MAP7: variants seen among roughly 807,000 people sequenced by gnomAD.
MAP7 encodes the protein microtubule associated protein 7.
MAP7 carries 52 observed loss-of-function variants against 94.8 expected under a neutral mutation model. That is an observed-to-expected ratio of 0.55 (90% CI 0.44 to 0.69). The LOEUF (loss-of-function observed/expected upper bound fraction) is 0.69. Among genes scored for constraint, MAP7 ranks in the 30% least tolerant of loss-of-function variants. The pLI is 0.00. For synonymous variants in MAP7, 350 were observed against 357.0 expected (o/e 0.98, Z 0.22); for missense variants, 940 against 964.6 (o/e 0.97, Z 0.34).
intron 1 of MAP7, among the ~76,000 whole-genome samples, chr6:136,517,853 C>G (rs1341309028): frequency 6.6e-6 from 1 of 152,132 alleles, no homozygotes; most frequent in Non-Finnish European, 1.5e-5. Context: ...AGGGCTGGTT[C>G]TGAATTTCTA....
intron 1 of MAP7, among the ~76,000 whole-genome samples, chr6:136,446,821 G>A (rs1415594700): frequency 1.3e-5 from 2 of 152,144 alleles, no homozygotes; most frequent in Non-Finnish European, 1.5e-5. Flanking sequence ...ACCCATATTC[G>A]AAAAAGTCAG....
chr6:136,429,613 T>C (rs927911738), intron 1 of MAP7, among the ~76,000 whole-genome samples: 1 of 152,230 alleles, frequency 6.6e-6, no homozygotes, highest in African/African-American at 2.4e-5. Flanking sequence ...ATGTTCCATA[T>C]ATCTTGTGGG....
intron 3 of MAP7, among the ~76,000 whole-genome samples, chr6:136,392,388 CTTTTTTT>C (rs11347286): frequency 9.7e-6 from 1 of 102,616 alleles, no homozygotes; most frequent in Non-Finnish European, 2.0e-5. Flanking sequence ...CTGCATCTTG[CTTTTTTT>C]TTTTTTTTTT....
chr6:136,483,174 C>T (rs1272405302), intron 1 of MAP7, among the ~76,000 whole-genome samples: 1 of 149,622 alleles, frequency 6.7e-6, no homozygotes, highest in Admixed American at 6.7e-5. Flanking sequence ...ACATATACAC[C>T]ATGGAATACT....
chr6:136,492,046 C>T (rs924723905), intron 1 of MAP7, among the ~76,000 whole-genome samples: 4 of 152,020 alleles, frequency 2.6e-5, no homozygotes, highest in African/African-American at 9.7e-5. Context: ...GTGATTAGGA[C>T]ATGTAAACAA....
intron 3 of MAP7, among the ~76,000 whole-genome samples, chr6:136,392,420 G>A (rs1374598259): frequency 8.7e-6 from 1 of 114,536 alleles, no homozygotes; most frequent in Non-Finnish European, 1.7e-5. Flanking sequence ...TACTTAAAAT[G>A]TATCTTAGAG....
At chr6:136,522,424 G>A (rs1389568277) in intron 1 of MAP7, among the ~76,000 whole-genome samples, 1 of 152,080 alleles carries the variant, frequency 6.6e-6, no homozygotes, top group Admixed American at 6.6e-5. Flanking sequence ...TAGAAGGCCA[G>A]ATGTTAATCT....
intron 3 of MAP7, among the ~76,000 whole-genome samples, chr6:136,407,981 A>C (rs1367607613): frequency 6.6e-6 from 1 of 152,236 alleles, no homozygotes; most frequent in East Asian, 1.9e-4. Flanking sequence ...TTAGTTGTAC[A>C]GAAGTAGAGT....
intron 1 of MAP7, among the ~76,000 whole-genome samples, chr6:136,488,444 CTTT>C (rs1262255093): frequency 0.12 from 16,077 of 133,026 alleles, 819 homozygotes; most frequent in East Asian, 0.15. Context: ...ATGCTAGGTA[CTTT>C]TTTTTTTTTT....
chr6:136,517,487 T>C (rs1028879082), intron 1 of MAP7, among the ~76,000 whole-genome samples: 1 of 152,222 alleles, frequency 6.6e-6, no homozygotes, highest in African/African-American at 2.4e-5. Context: ...ATTACCAATA[T>C]TATAATTGTC....
In MAP7 at chr6:136,372,631, C is replaced by T. The variant is rs749626540; in HGVS notation, c.752-6G>A. 20 of 1,613,906 alleles carry T rather than the reference C, an allele frequency of 1.2e-5. No individual in the cohort carries two copies. Among genetic ancestry groups the T allele is most frequent in the African/African-American group, 8.0e-5 (6 of 74,890 alleles). On this transcript the variant is annotated splice_polypyrimidine_tract_variant and splice_region_variant and intron_variant, in intron 7 of 17. Transcript: ENST00000354570. ...GATGATGGGGCTGCAAGATGCTGAA[C>T]GAGGACAAATGGGGATAACTAGGGT...
intron 1 of MAP7, among the ~76,000 whole-genome samples, chr6:136,483,794 G>A (rs1003400958): frequency 1.3e-5 from 2 of 152,180 alleles, no homozygotes; most frequent in African/African-American, 4.8e-5. Context: ...CTGTCTTGCT[G>A]TAAACTTCAG....
At chr6:136,375,453 A>G (rs56884825) in intron 7 of MAP7, among the ~76,000 whole-genome samples, 2,536 of 152,292 alleles carry the variant, frequency 0.017, 42 homozygotes, top group East Asian at 0.039. Context: ...GTAACCCAGT[A>G]CAGGACATAT....
chr6:136,514,574 C>G (rs1824212306), intron 1 of MAP7, among the ~76,000 whole-genome samples: 1 of 98,744 alleles, frequency 1.0e-5, no homozygotes, highest in South Asian at 3.5e-4. Flanking sequence ...GAGCAAGACT[C>G]TGTCTCAAAA....
intron 1 of MAP7, among the ~76,000 whole-genome samples, chr6:136,426,388 T>C (rs1277014967): frequency 6.6e-6 from 1 of 152,252 alleles, no homozygotes; most frequent in African/African-American, 2.4e-5. Context: ...ACATACTATC[T>C]GCTTTCAAGA....
rs1454781055 is a variant in MAP7, at chr6:136,395,226, A to C, written c.245-5709T>G. On this transcript the variant is annotated intron_variant, in intron 3 of 17. Coordinates refer to ENST00000354570, the MANE Select transcript of MAP7 (RefSeq NM_003980.6). ...CCCCTTTCTCTGCGTCTTCATCAGT[A>C]CCTGCTATTTTTTGTCTTTTTGATA... Among the ~76,000 whole-genome samples the C allele has an allele frequency of 2.0e-5, 3 of 151,320 alleles. No homozygotes were observed. In the East Asian group the frequency reaches 5.8e-4, roughly 29 times the overall value.
chr6:136,448,052 C>T lies in MAP7; in HGVS notation c.68-26253G>A, dbSNP rs551303061. Among the ~76,000 whole-genome samples the T allele has an allele frequency of 9.9e-5, 15 of 152,128 alleles. No individual in the cohort carries two copies. The East Asian group carries it at 2.1e-3, about 22-fold the overall frequency. On this transcript the variant is annotated intron_variant, in intron 1 of 17. Coordinates refer to ENST00000354570, the MANE Select transcript of MAP7 (RefSeq NM_003980.6). The stretch of plus-strand genomic sequence containing the variant: ...TAAAAATACAAAAAAATTAGCTGGG[C>T]GTGGTGGCACCTGCCTGTAATCCCA...
chr6:136,503,029 T>C (rs1199632300), intron 1 of MAP7, among the ~76,000 whole-genome samples: 1 of 152,218 alleles, frequency 6.6e-6, no homozygotes, highest in Non-Finnish European at 1.5e-5. Flanking sequence ...TCCCTACCTT[T>C]TAATTATTCA....
chr6:136,409,152 G>C (rs1786554670), intron 3 of MAP7, among the ~76,000 whole-genome samples: 1 of 152,064 alleles, frequency 6.6e-6, no homozygotes. Flanking sequence ...TTAAAATTAT[G>C]ACTCTGACAA....
Sources: gnomAD v4.1 joint callset for allele counts (sites outside exome capture counted in the v4.1 genomes callset) on GRCh38, gnomAD v4.1.1 for gene constraint, MANE v1.5 for transcripts, NCBI Gene and HGNC (gene_info 2026-07-23, HGNC 2026-07-21) for gene names.